STARD4: variants seen among roughly 807,000 people sequenced by gnomAD.
The protein encoded by STARD4 is StAR related lipid transfer domain containing 4.
In STARD4, 33 loss-of-function variants were observed where a neutral mutation model predicts 24.9. That is an observed-to-expected ratio of 1.32 (90% CI 1.00 to 1.77). The LOEUF is 1.77. Ranked by LOEUF, STARD4 falls within the 40% of genes most tolerant of loss-of-function variation. The pLI is 0.00. For synonymous variants in STARD4, 88 were observed against 77.4 expected, an observed-to-expected ratio of 1.14 and a Z score of -0.72; for missense variants, 238 against 249.3, an observed-to-expected ratio of 0.95 and a Z score of 0.31.
intron 3 of STARD4, among the ~76,000 whole-genome samples, chr5:111,505,228 G>A (rs752505790): frequency 1.1e-4 from 16 of 152,102 alleles, no homozygotes; most frequent in African/African-American, 2.4e-4. Flanking sequence ...CTTGACACTC[G>A]TGATATTTTC....
chr5:111,504,954 A>T, intron 3 of STARD4: 2 of 434,620 alleles, frequency 4.6e-6, no homozygotes, highest in Non-Finnish European at 9.1e-6. Context: ...GCCCTTTTTG[A>T]CTTCTGTGCT....
rs562259421 is a variant in STARD4, at chr5:111,497,830, C to T, written c.*2056G>A. ...AATACATGATCACAAGATTCCTGAG[C>T]TTAGAATCATGAACACCTCCACTCT... On this transcript the variant is annotated 3_prime_UTR_variant, in exon 6 of 6. Transcript: ENST00000296632. 3.8e-4 allele frequency: 58 copies of T among 152,046 alleles called. 1 individual carries two copies. The highest frequency in any genetic ancestry group is 6.3e-4 in the Non-Finnish European group (43 of 67,904). The allele number at this position is 152,046 out of a possible 1,614,324, so 9.4% of individuals were successfully genotyped here.
At chr5:111,503,283 C>T (rs1232473203) in intron 3 of STARD4, among the ~76,000 whole-genome samples, 28 of 152,172 alleles carry the variant, frequency 1.8e-4, no homozygotes. Context: ...ACTTAGATTC[C>T]TATTTCTACC....
intron 4 of STARD4, 69 bp downstream of exon 4, chr5:111,501,893 G>A (rs781215415): frequency 6.3e-6 from 10 of 1,588,688 alleles, no homozygotes; most frequent in South Asian, 2.2e-5. Context: ...ATGCTCACAT[G>A]CTCTGGCTCA....
chr5:111,510,753 A>C (rs1757206250), intron 1 of STARD4, among the ~76,000 whole-genome samples: 1 of 152,244 alleles, frequency 6.6e-6, no homozygotes, highest in Non-Finnish European at 1.5e-5. Flanking sequence ...GCCATCTATC[A>C]GCACCATAGT....
chr5:111,505,547 G>T (rs1419550887), intron 3 of STARD4, among the ~76,000 whole-genome samples: 1 of 152,172 alleles, frequency 6.6e-6, no homozygotes, highest in South Asian at 2.1e-4. Flanking sequence ...CAAAAATGTG[G>T]TTTTTAAAGG....
rs1756206303 is a variant in STARD4 at position 111,498,310 on chromosome 5, G to A, written c.*1576C>T. ...GGAGGTATATGTTGATAAGGACAAA[G>A]AGAGCACTAGAGTAGAGATAGTGGG... On this transcript the variant is annotated 3_prime_UTR_variant, in exon 6 of 6. Coordinates refer to ENST00000296632, the MANE Select transcript of STARD4 (RefSeq NM_139164.3). 1 of 151,848 alleles carries A rather than the reference G, an allele frequency of 6.6e-6. No homozygotes were observed. The highest frequency in any genetic ancestry group is 6.6e-5 in the Admixed American group (1 of 15,218). The allele number at this position is 151,848 out of a possible 1,614,324, so 9.4% of individuals were successfully genotyped here.
Position 111,509,988 on chromosome 5 carries a change from A to C in STARD4, c.-10+2397T>G, listed in dbSNP as rs1404641996. Among the ~76,000 whole-genome samples, 62 of 152,164 alleles carry C rather than the reference A, an allele frequency of 4.1e-4. 1 individual carries two copies. The highest frequency in any genetic ancestry group is 2.9e-5 in the Non-Finnish European group (2 of 68,016). Reference sequence around the variant, plus strand: ...TTATTCCACCCTTAAGCTTTAACAGAAATAACAACAACAAAAACTAAAACA... The same window carrying C: ...TTATTCCACCCTTAAGCTTTAACAGCAATAACAACAACAAAAACTAAAACA... On this transcript the variant is annotated intron_variant, in intron 1 of 5. Coordinates refer to ENST00000296632, the MANE Select transcript of STARD4 (RefSeq NM_139164.3).
rs147071387 is a variant in STARD4 at position 111,507,359 on chromosome 5, T to C, written c.75A>G (p.Glu25=). The change falls in exon 2 of 6, where the codon GAA becomes GAG. Residue 25 remains glutamate, a synonymous_variant. Coordinates refer to ENST00000296632, the MANE Select transcript of STARD4 (RefSeq NM_139164.3). This position sits in a 1 kb window ranked among gnomAD's most constrained non-coding sequence, Gnocchi z 4.4. ...KNTLIQYHSI[E]EDKWRVAKKT... is the part of the protein sequence containing the mutation. ...TCTTAGCAACTCGCCACTTATCTTC[T>C]TCAATGCTATGGTACTGGATGAGAG... The C allele has an allele frequency of 1.3e-4, 206 of 1,613,464 alleles. No individual in the cohort carries two copies. In the African/African-American group the frequency reaches 2.5e-3, roughly 19 times the overall value.
At chr5:111,504,008 A>C (rs1440315157) in intron 3 of STARD4, among the ~76,000 whole-genome samples, 2 of 152,238 alleles carry the variant, frequency 1.3e-5, no homozygotes, top group Non-Finnish European at 2.9e-5. Context: ...CTTCACTAGT[A>C]ATCAAGTAAA....
intron 1 of STARD4, among the ~76,000 whole-genome samples, chr5:111,509,011 A>C (rs1036708547): frequency 2.6e-5 from 4 of 152,104 alleles, no homozygotes; most frequent in Non-Finnish European, 2.9e-5. Context: ...AATATATAAT[A>C]AGTATAGATC....
At position 111,501,089 on chromosome 5, in the gene STARD4, CA is replaced by C. The variant is rs773488301; in HGVS notation, c.309del (p.Ala104LeufsTer7). 4.3e-6 allele frequency: 7 copies of C among 1,609,312 alleles called. No individual in the cohort carries two copies. Among genetic ancestry groups the C allele is most frequent in the Non-Finnish European group, 5.1e-6 (6 of 1,178,840 alleles). On this transcript the variant is annotated frameshift_variant, in exon 5 of 6. Transcript: ENST00000296632. LOFTEE classifies it high-confidence loss of function. ...GAAATTATATTCCAAAGCTGACCAG[CA>C]GTAGTGTAACGCATCACACAGCAAT... ...EENCCVMRYT[T>X]AGQLWNIISP...
At position 111,507,447 on chromosome 5, in the gene STARD4, T is replaced by A; in HGVS notation, c.-9-5A>T. ...CAGGCCTTCCATTACTTCTCTCTGT[T>A]ATGGAGACCAAGATTAGCATCAGCA... On this transcript the variant is annotated splice_polypyrimidine_tract_variant and splice_region_variant and intron_variant, in intron 1 of 5. Transcript: ENST00000296632. The surrounding 1 kb of genome is among the most constrained non-coding windows in gnomAD (Gnocchi z 4.4). 6.2e-7 allele frequency: 1 copy of A among 1,606,182 alleles called. No individual in the cohort carries two copies. Among genetic ancestry groups the A allele is most frequent in the Non-Finnish European group, 8.5e-7 (1 of 1,175,444 alleles).
rs1561535178 is a variant in STARD4 at position 111,501,078 on chromosome 5, A to G, written c.321T>C (p.Leu107=). The G allele has an allele frequency of 6.8e-6, 11 of 1,611,526 alleles. No homozygotes were observed. The highest frequency in any genetic ancestry group is 9.3e-6 in the Non-Finnish European group (11 of 1,179,372). The change falls in exon 5 of 6, where the codon CTT becomes CTC. Residue 107 remains leucine, a synonymous_variant. Coordinates refer to ENST00000296632, the MANE Select transcript of STARD4 (RefSeq NM_139164.3). The part of the protein sequence containing the change: ...CVMRYTTAGQ[L]WNIISPREFV... The stretch of plus-strand genomic sequence containing the variant: ...ATTCTCTTGGGGAAATTATATTCCA[A>G]AGCTGACCAGCAGTAGTGTAACGCA...
rs1270012472 is a variant in STARD4, at chr5:111,507,287, A to T, written c.105+42T>A. ...TAAAAGTCATCAACCAATTCATTAG[A>T]TAGAAGATATACCCCAAATATAAGT... is the stretch of plus-strand genomic sequence containing the variant. On this transcript the variant is annotated intron_variant, in intron 2 of 5. Coordinates refer to ENST00000296632, the MANE Select transcript of STARD4 (RefSeq NM_139164.3). This position sits in a 1 kb window ranked among gnomAD's most constrained non-coding sequence, Gnocchi z 4.4. The T allele has an allele frequency of 1.3e-6, 2 of 1,513,722 alleles. No homozygotes were observed. Among genetic ancestry groups the T allele is most frequent in the African/African-American group, 2.8e-5 (2 of 72,460 alleles). 93.8% of individuals were successfully genotyped at this position (1,513,722 alleles called of 1,614,324 possible). A position where few individuals can be genotyped will look rare whatever the true frequency, so the allele number is the denominator to read the frequency against.
At chr5:111,508,848 C>G (rs1042775834) in intron 1 of STARD4, among the ~76,000 whole-genome samples, 1 of 151,958 alleles carries the variant, frequency 6.6e-6, no homozygotes, top group Non-Finnish European at 1.5e-5. Context: ...ATTAAAGTGA[C>G]AGAAATAAAT....
At chr5:111,510,539 C>T (rs1458203241) in intron 1 of STARD4, among the ~76,000 whole-genome samples, 4 of 152,198 alleles carry the variant, frequency 2.6e-5, no homozygotes, top group Non-Finnish European at 5.9e-5. Context: ...CACCACTTAA[C>T]CTTATCAGAA....
At position 111,499,698 on chromosome 5, in the gene STARD4, A is replaced by T; in HGVS notation, c.*188T>A. On this transcript the variant is annotated 3_prime_UTR_variant, in exon 6 of 6. Coordinates refer to ENST00000296632, the MANE Select transcript of STARD4 (RefSeq NM_139164.3). ...AGCCTGTCTCAAAATTTAAAAAAAA[A>T]AAAGTGAAAATGCCCTCTCTTAGAT... The T allele has an allele frequency of 1.7e-6, 1 of 596,878 alleles. No individual in the cohort carries two copies. Among genetic ancestry groups the T allele is most frequent in the Non-Finnish European group, 2.9e-6 (1 of 344,848 alleles). The allele number at this position is 596,878 out of a possible 1,614,324, so 37.0% of individuals were successfully genotyped here.
At chr5:111,510,249 A>T (rs1194880859) in intron 1 of STARD4, among the ~76,000 whole-genome samples, 1 of 152,212 alleles carries the variant, frequency 6.6e-6, no homozygotes, top group Non-Finnish European at 1.5e-5. Context: ...CATTTCTCAA[A>T]ATATTAATAT....
Sources: gnomAD v4.1 joint callset for allele counts (sites outside exome capture counted in the v4.1 genomes callset) on GRCh38, gnomAD v4.1.1 for gene constraint, Gnocchi (gnomAD v3.1) non-coding constraint, MANE v1.5 for transcripts, NCBI Gene and HGNC (gene_info 2026-07-23, HGNC 2026-07-21) for gene names.